CAT: variants seen among roughly 807,000 people sequenced by gnomAD.
CAT encodes catalase.
CAT carries 43 observed loss-of-function variants against 59.0 expected under a neutral mutation model. That is an observed-to-expected ratio of 0.73 (90% confidence interval 0.57 to 0.94). The LOEUF is 0.94. CAT is among the 40% of genes least tolerant of loss of function. The probability of loss-of-function intolerance (pLI) is 0.00; values close to 1 mark genes in which losing one functional copy is unlikely to be tolerated. For synonymous variants in CAT, 218 were observed against 230.9 expected, an observed-to-expected ratio of 0.94 and a Z score of 0.51; for missense variants, 664 against 682.9, an observed-to-expected ratio of 0.97 and a Z score of 0.31.
At chr11:34,469,929 G>T (rs570548335) in intron 11 of CAT, among the ~76,000 whole-genome samples, 1 of 152,200 alleles carries the variant, frequency 6.6e-6, no homozygotes, top group Non-Finnish European at 1.5e-5. Flanking sequence ...GCCTCCCAAA[G>T]TGCTGGGATT....
intron 1 of CAT, among the ~76,000 whole-genome samples, chr11:34,446,714 C>G (rs186631299): frequency 6.6e-6 from 1 of 151,818 alleles, no homozygotes; most frequent in African/African-American, 2.4e-5. Context: ...GGTATCTTTT[C>G]TCATACTTGT....
chr11:34,445,941 A>G (rs1020118242), intron 1 of CAT, among the ~76,000 whole-genome samples: 2 of 152,152 alleles, frequency 1.3e-5, no homozygotes, highest in Non-Finnish European at 2.9e-5. Flanking sequence ...GATTAATAAT[A>G]TTGATCTCTG....
In CAT at chr11:34,453,195, G is replaced by C; in HGVS notation, c.585+1G>C. 1 of 1,579,964 alleles carries C rather than the reference G, an allele frequency of 6.3e-7. No individual in the cohort carries two copies. Among genetic ancestry groups the C allele is most frequent in the Non-Finnish European group, 8.7e-7 (1 of 1,148,916 alleles). ...CCTACGTCCTGAGTCTCTGCATCAG[G>C]TATGAACCCTTTTTTGCCATTGTAT... On this transcript the variant is annotated splice_donor_variant, in intron 5 of 12. Coordinates refer to ENST00000241052, the MANE Select transcript of CAT (RefSeq NM_001752.4). LOFTEE classifies it high-confidence loss of function.
intron 7 of CAT, 80 bp downstream of exon 7, chr11:34,456,282 T>A: frequency 1.8e-6 from 2 of 1,086,210 alleles, no homozygotes; most frequent in Non-Finnish European, 2.8e-6. Context: ...GTCAAACAAT[T>A]ATAATAATGG....
intron 8 of CAT, among the ~76,000 whole-genome samples, chr11:34,459,512 C>CA (rs1856625993): frequency 6.6e-6 from 1 of 152,206 alleles, no homozygotes; most frequent in Admixed American, 6.5e-5. Flanking sequence ...GACACAGGTG[C>CA]AGCCTTTCTT....
At chr11:34,455,915 G>A in intron 6 of CAT, 96 bp from the exon 7 acceptor site, 1 of 939,526 alleles carries the variant, frequency 1.1e-6, no homozygotes, top group Admixed American at 1.9e-5. Context: ...TCATTCTTTG[G>A]GCAGTGTTAC....
chr11:34,464,716 T>C (rs1856693593), intron 10 of CAT, among the ~76,000 whole-genome samples: 3 of 151,930 alleles, frequency 2.0e-5, no homozygotes, highest in African/African-American at 7.3e-5. Flanking sequence ...TTGCCAATGC[T>C]AATTGATTAT....
chr11:34,470,531 G>A (rs938489123), intron 11 of CAT, among the ~76,000 whole-genome samples: 2 of 152,292 alleles, frequency 1.3e-5, no homozygotes, highest in South Asian at 4.2e-4. Flanking sequence ...TTCTGATCGC[G>A]TGCTTGTTCT....
intron 6 of CAT, 89 bp downstream of exon 6, chr11:34,454,015 C>T: frequency 1.4e-6 from 2 of 1,421,344 alleles, no homozygotes; most frequent in African/African-American, 1.4e-5. Flanking sequence ...ATTAAGGCTT[C>T]TCCCACTTTT....
rs779704450 is a variant in CAT at position 34,453,172 on chromosome 11, T to G, written c.563T>G (p.Leu188Arg). 15 of 1,610,998 alleles carry G rather than the reference T, an allele frequency of 9.3e-6. No individual in the cohort carries two copies. The East Asian group carries it at 2.9e-4, about 31-fold the overall frequency. The change falls in exon 5 of 13, where the codon CTA (leucine) becomes CGA (arginine). Residue 188 changes from leucine (L) to arginine (R), a missense_variant. By Grantham distance (102) the Leu-to-Arg change is moderately radical. Transcript: ENST00000241052. The stretch of plus-strand genomic sequence containing the variant: ...GACATGGTCTGGGACTTCTGGAGCC[T>G]ACGTCCTGAGTCTCTGCATCAGGTA... ...DPDMVWDFWS[L>R]RPESLHQVSF...
At chr11:34,457,746 A>T (rs1255219430) in intron 8 of CAT, among the ~76,000 whole-genome samples, 1 of 152,194 alleles carries the variant, frequency 6.6e-6, no homozygotes, top group African/African-American at 2.4e-5. Context: ...CTTAATAATT[A>T]CTGTATAAAT....
chr11:34,471,661 G>T lies in CAT; in HGVS notation c.*228G>T. 1 of 548,008 alleles carries T rather than the reference G, an allele frequency of 1.8e-6. No homozygotes were observed. Among genetic ancestry groups the T allele is most frequent in the Non-Finnish European group, 3.3e-6 (1 of 305,556 alleles). 33.9% of individuals were successfully genotyped at this position (548,008 alleles called of 1,614,324 possible). A position where few individuals can be genotyped will look rare whatever the true frequency, so the allele number is the denominator to read the frequency against. The stretch of plus-strand genomic sequence containing the variant: ...TTTAAAAAAAAAATTTGTTTTGACG[G>T]ATGATTGGATTATTCATTTAAAATG... On this transcript the variant is annotated 3_prime_UTR_variant, in exon 13 of 13. Transcript: ENST00000241052.
At chr11:34,457,204 CTTTTTTTTTTTT>C (rs899442681) in intron 8 of CAT, among the ~76,000 whole-genome samples, 9 of 66,172 alleles carry the variant, frequency 1.4e-4, no homozygotes, top group Admixed American at 1.1e-3. Context: ...TTTTCTTGTT[CTTTTTTTTTTTT>C]TTTTTTTTTT....
At chr11:34,445,619 TAG>T (rs1410573216) in intron 1 of CAT, among the ~76,000 whole-genome samples, 1 of 147,024 alleles carries the variant, frequency 6.8e-6, no homozygotes, top group Admixed American at 6.8e-5. Flanking sequence ...TGGGGCAGGG[TAG>T]AGAGAGCAGT....
chr11:34,458,679 A>G (rs995639672), intron 8 of CAT, among the ~76,000 whole-genome samples: 7 of 152,208 alleles, frequency 4.6e-5, no homozygotes, highest in Non-Finnish European at 8.8e-5. Flanking sequence ...GAGGAATACA[A>G]GGTTACCTAA....
At chr11:34,442,218 A>T (rs557572784) in intron 1 of CAT, among the ~76,000 whole-genome samples, 5 of 152,220 alleles carry the variant, frequency 3.3e-5, no homozygotes, top group African/African-American at 1.2e-4. Context: ...TTATTAATTC[A>T]TAGCCCATAT....
intron 10 of CAT, among the ~76,000 whole-genome samples, chr11:34,467,813 T>A (rs1240602720): frequency 6.6e-6 from 1 of 152,204 alleles, no homozygotes; most frequent in Non-Finnish European, 1.5e-5. Flanking sequence ...GGCTTCTGAA[T>A]AACTACAGAT....
At position 34,456,647 on chromosome 11, in the gene CAT, A is replaced by G. The variant is rs371223871; in HGVS notation, c.904-18A>G. On this transcript the variant is annotated intron_variant, in intron 7 of 12. Coordinates refer to ENST00000241052, the MANE Select transcript of CAT (RefSeq NM_001752.4). ...TCAGTTGATTGCCTGGTAATTGTGA[A>G]TATGACATCATTTTCAGGTTTGGCC... The G allele has an allele frequency of 3.3e-5, 54 of 1,613,190 alleles. No homozygotes were observed. The highest frequency in any genetic ancestry group is 4.4e-5 in the Non-Finnish European group (52 of 1,179,200).
chr11:34,451,991 G>A (rs1856527924), intron 3 of CAT, 86 bp from the exon 4 acceptor site: 3 of 1,413,914 alleles, frequency 2.1e-6, no homozygotes, highest in African/African-American at 1.4e-5. Context: ...TAGAAAGGAT[G>A]GATCCAGGTG....
Sources: gnomAD v4.1 joint callset for allele counts (sites outside exome capture counted in the v4.1 genomes callset) on GRCh38, gnomAD v4.1.1 for gene constraint, MANE v1.5 for transcripts, NCBI Gene and HGNC (gene_info 2026-07-23, HGNC 2026-07-21) for gene names.